IL13RA2: variants seen among roughly 807,000 people sequenced by gnomAD.
The protein encoded by IL13RA2 is interleukin-13 receptor subunit alpha-2.
A neutral mutation model predicts 34.1 loss-of-function variants in IL13RA2; 25 were observed. The observed-to-expected ratio is 0.73, with a 90% confidence interval of 0.53 to 1.03. The LOEUF is 1.03. Among genes scored for constraint, IL13RA2 ranks in the 50% least tolerant of loss-of-function variants. The pLI is 0.00. For synonymous variants in IL13RA2, 106 were observed against 100.4 expected (o/e 1.06, Z -0.33); for missense variants, 297 against 280.9 (o/e 1.06, Z -0.41).
At chrX:115,013,666 A>G in intron 5 of IL13RA2, 103 bp downstream of exon 5, 1 of 484,020 alleles carries the variant, frequency 2.1e-6, no homozygotes, top group Non-Finnish European at 3.5e-6. Flanking sequence ...CAACTCTGAC[A>G]AGTATAATGA....
At chrX:115,010,422 T>G (rs2071701536) in intron 6 of IL13RA2, among the ~76,000 whole-genome samples, 1 of 111,811 alleles carries the variant, frequency 8.9e-6, no homozygotes, top group Non-Finnish European at 1.9e-5. Flanking sequence ...TAACCTTTAT[T>G]AAATTTCTTA....
At chrX:115,004,543 G>A (rs1556507111) in intron 9 of IL13RA2, among the ~76,000 whole-genome samples, 1 of 108,313 alleles carries the variant, frequency 9.2e-6, no homozygotes, top group Non-Finnish European at 1.9e-5. Flanking sequence ...AGATACCAAG[G>A]CTGCAGTGAA....
intron 9 of IL13RA2, among the ~76,000 whole-genome samples, chrX:115,004,861 T>C (rs1469082378): frequency 8.9e-6 from 1 of 112,285 alleles, no homozygotes; most frequent in Admixed American, 9.4e-5. Context: ...TGTGTTTCAG[T>C]CTATGATCAT....
chrX:115,014,278 A>G (rs782387862), intron 4 of IL13RA2, 143 bp downstream of exon 4: 2 of 480,181 alleles, frequency 4.2e-6, no homozygotes, highest in African/African-American at 2.4e-5. Flanking sequence ...AAGGCTAATC[A>G]CCAACTACAA....
intron 7 of IL13RA2, 143 bp from the exon 8 acceptor site, chrX:115,008,219 C>A: frequency 2.1e-6 from 1 of 470,117 alleles, no homozygotes; most frequent in Non-Finnish European, 3.6e-6. Flanking sequence ...ATAATCCCAG[C>A]AGTAATTAGC....
At chrX:115,013,699 T>A (rs368532530) in intron 5 of IL13RA2, 70 bp downstream of exon 5, 2 of 560,551 alleles carry the variant, frequency 3.6e-6, no homozygotes. Context: ...GAAAATATAG[T>A]TTACTCATAC....
intron 5 of IL13RA2, among the ~76,000 whole-genome samples, chrX:115,012,310 C>G (rs17095055): frequency 0.18 from 19,697 of 110,911 alleles, 1,503 homozygotes; most frequent in African/African-American, 0.29. Context: ...ATATTTAGTG[C>G]TAATCTACTA....
In IL13RA2 at chrX:115,008,018, A is replaced by G; in HGVS notation, c.911T>C (p.Leu304Ser). ...CACTTTGCTTCTTACTACAAAGCAT[A>G]ATTGTCGGGTTTCATTTGTTGTTTT... Reference protein sequence around the residue: ...TLKTTNETRQLCFVVRSKVNI... With the variant: ...TLKTTNETRQSCFVVRSKVNI... The change falls in exon 8 of 10, where the codon TTA becomes TCA. Residue 304 changes from leucine to serine, a missense_variant. By Grantham distance (145) the Leu-to-Ser change is moderately radical (BLOSUM62 -2). Coordinates refer to ENST00000243213, the MANE Select transcript of IL13RA2 (RefSeq NM_000640.3). 3 of 1,134,543 alleles carry G rather than the reference A, an allele frequency of 2.6e-6. No individual in the cohort carries two copies. Among genetic ancestry groups the G allele is most frequent in the Non-Finnish European group, 3.6e-6 (3 of 826,778 alleles). The allele number at this position is 1,134,543 out of a possible 1,213,427, so 93.5% of individuals were successfully genotyped here. A position where few individuals can be genotyped will look rare whatever the true frequency, so the allele number is the denominator to read the frequency against.
chrX:115,006,503 T>C (rs2071685711), intron 8 of IL13RA2, among the ~76,000 whole-genome samples: 1 of 110,688 alleles, frequency 9.0e-6, no homozygotes, highest in South Asian at 3.9e-4. Context: ...GCCGACACGG[T>C]GAAACTCTGT....
chrX:115,004,221 T>C (rs1165263207), intron 9 of IL13RA2, 115 bp from the exon 10 acceptor site: 1 of 419,870 alleles, frequency 2.4e-6, no homozygotes, highest in Non-Finnish European at 4.2e-6. Flanking sequence ...TGAAGCATTC[T>C]ATACACATTC....
Position 115,007,959 on chromosome X carries a change from C to A in IL13RA2, c.970G>T (p.Glu324Ter). The A allele has an allele frequency of 3.5e-6, 4 of 1,128,403 alleles. No homozygotes were observed. The highest frequency in any genetic ancestry group is 4.9e-6 in the Non-Finnish European group (4 of 821,792). The allele number at this position is 1,128,403 out of a possible 1,213,427, so 93.0% of individuals were successfully genotyped here. A position where few individuals can be genotyped will look rare whatever the true frequency, so the allele number is the denominator to read the frequency against. Residue 324 changes from glutamate (E) to a stop codon, truncating the protein, a stop_gained, in exon 8 of 10, where the codon GAG (glutamate) becomes TAG (stop). Transcript: ENST00000243213. LOFTEE classifies it high-confidence loss of function. ...TCCCAGCATTGTTTATCACTCCACT[C>A]ACTCCAAATTCCGTCATCTGAGCAA... ...IYCSDDGIWSEWSDKQCWEGE... is the reference protein window; with the variant it reads ...IYCSDDGIWS
chrX:115,013,268 G>A (rs782634279), intron 5 of IL13RA2, among the ~76,000 whole-genome samples: 19 of 110,934 alleles, frequency 1.7e-4, no homozygotes, highest in Non-Finnish European at 2.1e-4. Flanking sequence ...TTACAGTAGA[G>A]ATGGTAGGTA....
At chrX:115,011,553 T>G (rs2071706020) in intron 5 of IL13RA2, among the ~76,000 whole-genome samples, 1 of 112,253 alleles carries the variant, frequency 8.9e-6, no homozygotes, top group South Asian at 3.7e-4. Context: ...AACCATGACA[T>G]TATCTGTAAA....
In IL13RA2 at chrX:115,010,670, T is replaced by C; in HGVS notation, c.680A>G (p.Tyr227Cys). The part of the protein sequence containing the change: ...SSENKPIRSS[Y>C]FTFQLQNIVK... ...TATATTTTGAAGCTGAAAAGTGAAATAACTGGATCTGATAGGCTTGTTCTC... is the reference window on the plus strand; with the variant it reads ...TATATTTTGAAGCTGAAAAGTGAAACAACTGGATCTGATAGGCTTGTTCTC... Residue 227 changes from tyrosine to cysteine, a missense_variant, in exon 6 of 10, where the codon TAT becomes TGT. Coordinates refer to ENST00000243213, the MANE Select transcript of IL13RA2 (RefSeq NM_000640.3). The C allele has an allele frequency of 2.0e-6, 2 of 979,108 alleles. No individual in the cohort carries two copies. The highest frequency in any genetic ancestry group is 2.8e-6 in the Non-Finnish European group (2 of 707,323). The allele number at this position is 979,108 out of a possible 1,213,427, so 80.7% of individuals were successfully genotyped here.
At position 115,005,185 on chromosome X, in the gene IL13RA2, T is replaced by C. The variant is rs782111897; in HGVS notation, c.1116+12A>G. 1.4e-6 allele frequency: 1 copy of C among 725,780 alleles called. No individual in the cohort carries two copies. Among genetic ancestry groups the C allele is most frequent in the Admixed American group, 2.2e-5 (1 of 45,269 alleles). The allele number at this position is 725,780 out of a possible 1,213,427, so 59.8% of individuals were successfully genotyped here. A position where few individuals can be genotyped will look rare whatever the true frequency, so the allele number is the denominator to read the frequency against. On this transcript the variant is annotated intron_variant, in intron 9 of 9. Transcript: ENST00000243213. ...ATTCTCAGGCTAAACATCATAATGT[T>C]ACACATCTTACCATTTTTGGGTAGG...
chrX:115,006,518 A>G (rs1451849075), intron 8 of IL13RA2, among the ~76,000 whole-genome samples: 2 of 110,937 alleles, frequency 1.8e-5, no homozygotes, highest in Non-Finnish European at 3.8e-5. Flanking sequence ...CTCTGTCTCT[A>G]CTAAAAATAC....
In IL13RA2 at chrX:115,017,287, C is replaced by T. The variant is rs1556510402; in HGVS notation, c.-18G>A. 1.5e-6 allele frequency: 1 copy of T among 677,393 alleles called. No individual in the cohort carries two copies. The highest frequency in any genetic ancestry group is 2.2e-5 in the South Asian group (1 of 45,027). 55.8% of individuals were successfully genotyped at this position (677,393 alleles called of 1,213,427 possible). ...AAAGCCATTTCTCCGAGATTTAAAA[C>T]CTTGATATTGCCTCTCTATGAAGGA... On this transcript the variant is annotated 5_prime_UTR_variant, in exon 2 of 10. Coordinates refer to ENST00000243213, the MANE Select transcript of IL13RA2 (RefSeq NM_000640.3).
intron 6 of IL13RA2, among the ~76,000 whole-genome samples, chrX:115,009,969 TAAC>T (rs2071699756): frequency 8.9e-6 from 1 of 111,996 alleles, no homozygotes; most frequent in Non-Finnish European, 1.9e-5. Flanking sequence ...GCATTAGAAA[TAAC>T]AACCACAATC....
At chrX:115,009,201 T>C (rs1206440145) in intron 7 of IL13RA2, among the ~76,000 whole-genome samples, 2 of 103,374 alleles carry the variant, frequency 1.9e-5, no homozygotes, top group African/African-American at 7.2e-5. Flanking sequence ...AAGTGGTCTT[T>C]GTGGGTTTTT....
Sources: gnomAD v4.1 joint callset for allele counts (sites outside exome capture counted in the v4.1 genomes callset) on GRCh38, gnomAD v4.1.1 for gene constraint, MANE v1.5 for transcripts, NCBI Gene and HGNC (gene_info 2026-07-23, HGNC 2026-07-21) for gene names.